GANC: variants seen among roughly 807,000 people sequenced by gnomAD.
GANC encodes the protein neutral alpha-glucosidase C.
GANC carries 117 observed loss-of-function variants against 124.2 expected under a neutral mutation model. The ratio of observed to expected loss-of-function variants is 0.94; its 90% CI spans 0.81 to 1.10. GANC has a LOEUF of 1.10. GANC is among the 50% of genes least tolerant of loss of function. GANC has a pLI of 0.00. For synonymous variants in GANC, 377 were observed against 376.8 expected (o/e 1.00, Z -0.01); for missense variants, 1,140 against 1,095.0 (o/e 1.04, Z -0.58).
intron 5 of GANC, among the ~76,000 whole-genome samples, chr15:42,296,547 C>A (rs538283577): frequency 3.3e-5 from 5 of 152,214 alleles, no homozygotes; most frequent in Admixed American, 6.5e-5. Flanking sequence ...TGCCCACCAC[C>A]ACGTCCAGCT....
chr15:42,298,108 C>T (rs1470941174), intron 6 of GANC, among the ~76,000 whole-genome samples: 3 of 151,830 alleles, frequency 2.0e-5, no homozygotes, highest in Non-Finnish European at 2.9e-5. Flanking sequence ...ATGTTAAAGC[C>T]GAAACTGATG....
intron 4 of GANC, among the ~76,000 whole-genome samples, chr15:42,291,241 T>C (rs2051838129): frequency 6.6e-6 from 1 of 152,216 alleles, no homozygotes; most frequent in Admixed American, 6.5e-5. Flanking sequence ...TAGATCAGGC[T>C]AAATTTATTG....
At chr15:42,305,773 A>G (rs1368833498) in intron 6 of GANC, among the ~76,000 whole-genome samples, 3 of 152,212 alleles carry the variant, frequency 2.0e-5, no homozygotes, top group African/African-American at 7.2e-5. Context: ...ATAAAAAAGA[A>G]TGAGTTCATG....
intron 7 of GANC, among the ~76,000 whole-genome samples, chr15:42,306,948 A>T (rs150540182): frequency 1.3e-5 from 2 of 152,290 alleles, no homozygotes; most frequent in East Asian, 3.9e-4. Flanking sequence ...GAGAAACCCA[A>T]GTTCTAGAGC....
chr15:42,319,657 C>G (rs1022531468), intron 10 of GANC, among the ~76,000 whole-genome samples: 1 of 152,136 alleles, frequency 6.6e-6, no homozygotes, highest in African/African-American at 2.4e-5. Context: ...TACCCCACTT[C>G]TAAAACTTGA....
chr15:42,273,927 A>G lies in GANC; in HGVS notation c.-555A>G, dbSNP rs544077052. On this transcript the variant is annotated 5_prime_UTR_variant, in exon 1 of 24. Coordinates refer to ENST00000318010, the MANE Select transcript of GANC (RefSeq NM_198141.3). ...AGACTGGGTAGTGTAACAACCTTCA[A>G]AGGCCCCTTCTAGCCCTGAAGAGTA... 1.6e-5 allele frequency: 3 copies of G among 190,358 alleles called. No individual in the cohort carries two copies. The highest frequency in any genetic ancestry group is 3.3e-5 in the Non-Finnish European group (3 of 90,730). The allele number at this position is 190,358 out of a possible 1,614,324, so 11.8% of individuals were successfully genotyped here. A position where few individuals can be genotyped will look rare whatever the true frequency, so the allele number is the denominator to read the frequency against.
chr15:42,280,627 T>C (rs1340286077), intron 3 of GANC, among the ~76,000 whole-genome samples: 2 of 152,190 alleles, frequency 1.3e-5, no homozygotes, highest in African/African-American at 4.8e-5. Flanking sequence ...TCATTTTCTT[T>C]CCTGTTTCCA....
rs893130872 is a variant in GANC, at chr15:42,289,801, T to C, written c.329+1983T>C. ...CCTCTAGTACCTCAGAATGTGACTATATTTTGAGATAGGGTCTTTAAAGCA... is the reference window on the plus strand; with the variant it reads ...CCTCTAGTACCTCAGAATGTGACTACATTTTGAGATAGGGTCTTTAAAGCA... On this transcript the variant is annotated intron_variant, in intron 4 of 23. Transcript: ENST00000318010. Among the ~76,000 whole-genome samples the C allele has an allele frequency of 6.6e-5, 10 of 152,208 alleles. 1 individual carries two copies. The highest frequency in any genetic ancestry group is 3.9e-4 in the Admixed American group (6 of 15,284).
At chr15:42,294,208 A>G (rs2051869709) in intron 5 of GANC, among the ~76,000 whole-genome samples, 1 of 151,304 alleles carries the variant, frequency 6.6e-6, no homozygotes, top group African/African-American at 2.5e-5. Context: ...ATTAATACAC[A>G]TTTCTATGTA....
At chr15:42,301,615 C>CA (rs2051946918) in intron 6 of GANC, among the ~76,000 whole-genome samples, 1 of 152,168 alleles carries the variant, frequency 6.6e-6, no homozygotes, top group Non-Finnish European at 1.5e-5. Context: ...TTGAAATTCT[C>CA]ACTGCCACCA....
rs1190818731 is a variant in GANC at position 42,321,896 on chromosome 15, T to C, written c.1169T>C (p.Ile390Thr). The C allele has an allele frequency of 6.2e-7, 1 of 1,614,046 alleles. No homozygotes were observed. Among genetic ancestry groups the C allele is most frequent in the East Asian group, 2.2e-5 (1 of 44,886 alleles). The change falls in exon 11 of 24, where the codon ATT becomes ACT. Residue 390 changes from isoleucine (I) to threonine (T), a missense_variant. By Grantham distance (89) the Ile-to-Thr change is moderately conservative (BLOSUM62 -1). Transcript: ENST00000318010. Reference protein sequence around the residue: ...AVDAGFDEHDIPYDAMWLDIE... With the variant: ...AVDAGFDEHDTPYDAMWLDIE... Reference sequence around the variant, plus strand: ...GATGCAGGGTTTGATGAGCATGACATTCCTTATGATGCCATGTGGCTGGAC... The same window carrying C: ...GATGCAGGGTTTGATGAGCATGACACTCCTTATGATGCCATGTGGCTGGAC...
At chr15:42,280,148 T>G (rs2051717631) in intron 3 of GANC, among the ~76,000 whole-genome samples, 1 of 152,140 alleles carries the variant, frequency 6.6e-6, no homozygotes, top group Admixed American at 6.6e-5. Context: ...GGCGGTACAT[T>G]TAGCTCATCT....
At position 42,351,361 on chromosome 15, in the gene GANC, A is replaced by G; in HGVS notation, c.2564A>G (p.Lys855Arg). The G allele has an allele frequency of 1.2e-6, 2 of 1,614,052 alleles. No homozygotes were observed. The highest frequency in any genetic ancestry group is 2.7e-5 in the African/African-American group (2 of 75,034). ...GACCAGAGGGGTCATTATCCCAGCAAGTGTGTGGTGGAGAAGATCTTGGTC... is the reference window on the plus strand; with the variant it reads ...GACCAGAGGGGTCATTATCCCAGCAGGTGTGTGGTGGAGAAGATCTTGGTC... Reference protein sequence around the residue: ...FADQRGHYPSKCVVEKILVLG... With the variant: ...FADQRGHYPSRCVVEKILVLG... Residue 855 changes from lysine to arginine, a missense_variant, in exon 23 of 24, where the codon AAG (lysine) becomes AGG (arginine). Lys to Arg is a conservative substitution (Grantham distance 26). Coordinates refer to ENST00000318010, the MANE Select transcript of GANC (RefSeq NM_198141.3).
Position 42,292,719 on chromosome 15 carries a change from C to T in GANC, c.330-16C>T. Reference sequence around the variant, plus strand: ...CCTATAGCAGCTTGTTTCTCTCTTCCTGTTTTGTTTTCTAGGCTGATTTCA... The same window carrying T: ...CCTATAGCAGCTTGTTTCTCTCTTCTTGTTTTGTTTTCTAGGCTGATTTCA... On this transcript the variant is annotated splice_polypyrimidine_tract_variant and intron_variant, in intron 4 of 23. Coordinates refer to ENST00000318010, the MANE Select transcript of GANC (RefSeq NM_198141.3). The T allele has an allele frequency of 6.2e-7, 1 of 1,608,554 alleles. No homozygotes were observed. The highest frequency in any genetic ancestry group is 1.1e-5 in the South Asian group (1 of 90,506).
chr15:42,274,429 G>T lies in GANC; in HGVS notation c.-53G>T, dbSNP rs534646655. 1 of 1,589,152 alleles carries T rather than the reference G, an allele frequency of 6.3e-7. No individual in the cohort carries two copies. The highest frequency in any genetic ancestry group is 1.1e-5 in the South Asian group (1 of 87,142). ...ACCCAATCGGCTTTTTTAAAAGATC[G>T]CCCAGGGCCCTTGTCCTGAGAGCTG... On this transcript the variant is annotated 5_prime_UTR_variant, in exon 1 of 24. Transcript: ENST00000318010.
chr15:42,313,248 T>TC (rs1566955601), intron 10 of GANC, among the ~76,000 whole-genome samples: 4 of 151,934 alleles, frequency 2.6e-5, no homozygotes, highest in African/African-American at 9.7e-5. Flanking sequence ...TACAAAAAAA[T>TC]AAAATGGTTC....
At position 42,330,581 on chromosome 15, in the gene GANC, G is replaced by A; in HGVS notation, c.1650G>A (p.Met550Ile). The A allele has an allele frequency of 1.2e-6, 2 of 1,611,740 alleles. No individual in the cohort carries two copies. The highest frequency in any genetic ancestry group is 1.3e-5 in the African/African-American group (1 of 74,910). Residue 550 changes from methionine to isoleucine, a missense_variant, in exon 15 of 24, where the codon ATG (methionine) becomes ATA (isoleucine). Met to Ile is a conservative substitution (Grantham distance 10). Coordinates refer to ENST00000318010, the MANE Select transcript of GANC (RefSeq NM_198141.3). ...LHNIYGFYHQ[M>I]ATAEGLIKRS... ...TTTCTTGTTTGGTGATATAGCAAAT[G>A]GCTACTGCAGAAGGACTGATAAAAC... is the stretch of plus-strand genomic sequence containing the variant.
intron 10 of GANC, among the ~76,000 whole-genome samples, chr15:42,315,314 A>T (rs1292298351): frequency 8.5e-5 from 13 of 152,208 alleles, no homozygotes; most frequent in African/African-American, 2.9e-4. Flanking sequence ...TAAACAACCC[A>T]ATTCTAAAAT....
chr15:42,274,531 T>C, intron 1 of GANC, 21 bp downstream of exon 1: 2 of 1,603,038 alleles, frequency 1.2e-6, no homozygotes, highest in Non-Finnish European at 1.7e-6. Context: ...AGTGCTTCTG[T>C]AGCGAGTGAC....
Sources: gnomAD v4.1 joint callset for allele counts (sites outside exome capture counted in the v4.1 genomes callset) on GRCh38, gnomAD v4.1.1 for gene constraint, MANE v1.5 for transcripts, NCBI Gene and HGNC (gene_info 2026-07-23, HGNC 2026-07-21) for gene names.